LMBR1: variants seen among roughly 807,000 people sequenced by gnomAD.
LMBR1 encodes limb development membrane protein 1.
LMBR1 carries 52 observed loss-of-function variants against 73.9 expected under a neutral mutation model. The observed-to-expected ratio is 0.70, with a 90% CI of 0.56 to 0.89. The LOEUF is 0.89. Among genes scored for constraint, LMBR1 ranks in the 40% least tolerant of loss-of-function variants. The pLI, the probability that LMBR1 is intolerant of heterozygous loss-of-function variation, is 0.00. For missense variants in LMBR1, 539 were observed against 579.8 expected (o/e 0.93, Z 0.72); for synonymous variants, 215 against 209.4 (o/e 1.03, Z -0.23).
chr7:156,885,623 T>C (rs1586469342), intron 1 of LMBR1, among the ~76,000 whole-genome samples: 1 of 152,038 alleles, frequency 6.6e-6, no homozygotes, highest in South Asian at 2.1e-4. Flanking sequence ...ACACCTGTAA[T>C]CCCAGCACTT....
chr7:156,693,271 CA>C (rs1302516337), intron 15 of LMBR1, among the ~76,000 whole-genome samples: 57 of 96,348 alleles, frequency 5.9e-4, no homozygotes, highest in Non-Finnish European at 2.3e-4. Context: ...CAGAAAAGAA[CA>C]AACTAAACCC....
chr7:156,698,677 A>G (rs1447905261), intron 15 of LMBR1, among the ~76,000 whole-genome samples: 1 of 152,176 alleles, frequency 6.6e-6, no homozygotes, highest in Non-Finnish European at 1.5e-5. Flanking sequence ...CCAAGTCCCT[A>G]GACTGCATAC....
rs777520385 is a variant in LMBR1, at chr7:156,688,166, G to T, written c.1251C>A (p.Gly417=). The part of the protein sequence containing the change: ...TLGITRFDLL[G]DFGRFNWLGN... ...CCAGCCAATTAAACCTTCCAAAGTC[G>T]CCAAGTAGATCAAATCTAGTGATTC... is the stretch of plus-strand genomic sequence containing the variant. Residue 417 remains glycine, a synonymous_variant, in exon 16 of 17, where the codon GGC becomes GGA. Coordinates refer to ENST00000353442, the MANE Select transcript of LMBR1 (RefSeq NM_022458.4). The T allele has an allele frequency of 1.9e-6, 3 of 1,601,448 alleles. No homozygotes were observed. The highest frequency in any genetic ancestry group is 2.6e-6 in the Non-Finnish European group (3 of 1,175,578).
intron 4 of LMBR1, among the ~76,000 whole-genome samples, chr7:156,808,272 T>C (rs1350801038): frequency 2.0e-5 from 3 of 152,210 alleles, no homozygotes; most frequent in Middle Eastern, 3.2e-3. Flanking sequence ...ACTTAATATA[T>C]GTCATTAGGC....
At chr7:156,765,198 A>C (rs1294092337) in intron 5 of LMBR1, among the ~76,000 whole-genome samples, 1 of 152,124 alleles carries the variant, frequency 6.6e-6, no homozygotes, top group Non-Finnish European at 1.5e-5. Flanking sequence ...CTGTGTCCCC[A>C]CCCAAATCTC....
At chr7:156,764,014 T>A (rs1193080917) in intron 5 of LMBR1, among the ~76,000 whole-genome samples, 1 of 151,954 alleles carries the variant, frequency 6.6e-6, no homozygotes, top group Non-Finnish European at 1.5e-5. Context: ...ACAAAAAAAA[T>A]TCTTCATAAA....
Position 156,684,035 on chromosome 7 carries a change from A to G in LMBR1, c.*43T>C. ...TGGGACAGGAATGTCGTGAATCTGG[A>G]GTTCTCGGGTCTCTTGGTGGCAGAA... On this transcript the variant is annotated 3_prime_UTR_variant, in exon 17 of 17. Transcript: ENST00000353442. The G allele has an allele frequency of 2.1e-6, 3 of 1,457,962 alleles. No homozygotes were observed. The highest frequency in any genetic ancestry group is 2.9e-6 in the Non-Finnish European group (3 of 1,040,178). 90.3% of individuals were successfully genotyped at this position (1,457,962 alleles called of 1,614,324 possible). A position where few individuals can be genotyped will look rare whatever the true frequency, so the allele number is the denominator to read the frequency against.
chr7:156,848,930 C>CA (rs4019953), intron 1 of LMBR1, among the ~76,000 whole-genome samples: 32,825 of 111,320 alleles, frequency 0.29, 4,376 homozygotes, highest in African/African-American at 0.38. Context: ...GACTCTGTCT[C>CA]AAAAAAAAAA....
intron 4 of LMBR1, among the ~76,000 whole-genome samples, chr7:156,671,043 G>A (rs537716672): frequency 2.0e-5 from 3 of 152,170 alleles, no homozygotes; most frequent in African/African-American, 7.2e-5. Context: ...TTGGTTCGAG[G>A]GATAAAAATT....
intron 15 of LMBR1, among the ~76,000 whole-genome samples, chr7:156,722,032 G>C (rs531482707): frequency 1.8e-4 from 27 of 151,408 alleles, no homozygotes; most frequent in African/African-American, 5.8e-4. Flanking sequence ...TTTTATACTA[G>C]ATTCGATGTA....
intron 5 of LMBR1, among the ~76,000 whole-genome samples, chr7:156,781,990 C>G (rs541642581): frequency 5.9e-5 from 9 of 152,212 alleles, no homozygotes; most frequent in South Asian, 2.1e-4. Context: ...AACTTCCCCC[C>G]CAATACACAA....
At chr7:156,891,160 C>T (rs1446114001) in intron 1 of LMBR1, among the ~76,000 whole-genome samples, 3 of 133,798 alleles carry the variant, frequency 2.2e-5, no homozygotes, top group Non-Finnish European at 4.6e-5. Flanking sequence ...CACTGCACTC[C>T]AGCCTGGGAG....
intron 9 of LMBR1, among the ~76,000 whole-genome samples, chr7:156,750,404 T>C (rs1820654802): frequency 6.6e-6 from 1 of 152,164 alleles, no homozygotes; most frequent in Non-Finnish European, 1.5e-5. Context: ...TTTAGGAGTC[T>C]TGGAGTAGAA....
At chr7:156,756,350 A>T in intron 9 of LMBR1, 43 bp downstream of exon 9, 1 of 953,082 alleles carries the variant, frequency 1.0e-6, no homozygotes, top group Non-Finnish European at 1.7e-6. Context: ...TTGAAATTAA[A>T]AAGATTTTTT....
intron 5 of LMBR1, among the ~76,000 whole-genome samples, chr7:156,792,592 G>A (rs577970570): frequency 4.9e-4 from 75 of 152,322 alleles, no homozygotes; most frequent in African/African-American, 1.8e-3. Flanking sequence ...ACACACCGCT[G>A]CCACGGTAAG....
At chr7:156,711,781 T>C (rs1002451268) in intron 15 of LMBR1, among the ~76,000 whole-genome samples, 13 of 152,074 alleles carry the variant, frequency 8.5e-5, no homozygotes, top group Non-Finnish European at 1.6e-4. Context: ...AAGGTGCTGG[T>C]AAAATTGGAT....
In LMBR1 at chr7:156,683,049, T is replaced by G. The variant is rs542974281; in HGVS notation, c.*1029A>C. 6.6e-6 allele frequency: 1 copy of G among 152,358 alleles called. No individual in the cohort carries two copies. The highest frequency in any genetic ancestry group is 2.1e-4 in the South Asian group (1 of 4,828). 9.4% of individuals were successfully genotyped at this position (152,358 alleles called of 1,614,324 possible). On this transcript the variant is annotated 3_prime_UTR_variant, in exon 17 of 17. Transcript: ENST00000353442. ...CAGATCGTGTTATACTGCAAAACTG[T>G]TCTTACACCATGAATGCTGATGCTG...
chr7:156,684,505 C>A (rs1563128180), intron 16 of LMBR1, among the ~76,000 whole-genome samples: 1 of 152,194 alleles, frequency 6.6e-6, no homozygotes, highest in Non-Finnish European at 1.5e-5. Flanking sequence ...TCCAGTGTGA[C>A]TGCATCACGG....
chr7:156,793,014 C>T (rs1563372694), intron 5 of LMBR1, among the ~76,000 whole-genome samples: 1 of 152,200 alleles, frequency 6.6e-6, no homozygotes, highest in Non-Finnish European at 1.5e-5. Context: ...TTTCTAGCCT[C>T]TCTTCAGTAT....
Sources: allele counts gnomAD v4.1 joint callset (sites outside exome capture counted in the v4.1 genomes callset), GRCh38; gene constraint gnomAD v4.1.1; transcripts MANE v1.5; gene names NCBI Gene and HGNC (gene_info 2026-07-23, HGNC 2026-07-21).